Variants in PIK3R5 observed in about 807,000 individuals in gnomAD.
The protein encoded by PIK3R5 is phosphoinositide-3-kinase regulatory subunit 5.
A neutral mutation model predicts 94.9 loss-of-function variants in PIK3R5; 32 were observed. The observed-to-expected ratio is 0.34, with a 90% confidence interval of 0.25 to 0.45. The LOEUF (loss-of-function observed/expected upper bound fraction) is 0.45, where lower values mean the gene tolerates loss of function less well. Ranked by LOEUF, PIK3R5 falls within the 20% of genes least tolerant of loss-of-function variation. The pLI is 1.00. For synonymous variants in PIK3R5, 443 were observed against 479.4 expected (o/e 0.92, Z 0.99); for missense variants, 853 against 1,144.6 (o/e 0.75, Z 3.68).
chr17:8,924,595 A>G (rs1215528169), intron 1 of PIK3R5, among the ~76,000 whole-genome samples: 1 of 151,430 alleles, frequency 6.6e-6, no homozygotes, highest in African/African-American at 2.4e-5. Context: ...ACCATTTACC[A>G]CCCCGTCTTC....
In PIK3R5 at chr17:8,909,315, G is replaced by T. The variant is rs2090472793; in HGVS notation, c.104-141C>A. 1.0e-5 allele frequency: 6 copies of T among 589,262 alleles called. No individual in the cohort carries two copies. Among genetic ancestry groups the T allele is most frequent in the Admixed American group, 7.8e-5 (3 of 38,276 alleles). 36.5% of individuals were successfully genotyped at this position (589,262 alleles called of 1,614,324 possible). On this transcript the variant is annotated intron_variant, in intron 2 of 18. Transcript: ENST00000447110. The surrounding 1 kb of genome is among the most constrained non-coding windows in gnomAD (Gnocchi z 4.3). Reference sequence around the variant, plus strand: ...AACACTCTTTTTTTTTTTTGAGACAGAGTCTTGCTCTGTCGCCAGGCTGGA... The same window carrying T: ...AACACTCTTTTTTTTTTTTGAGACATAGTCTTGCTCTGTCGCCAGGCTGGA...
intron 1 of PIK3R5, among the ~76,000 whole-genome samples, chr17:8,940,515 T>C (rs2091158246): frequency 6.6e-6 from 1 of 152,146 alleles, no homozygotes; most frequent in South Asian, 2.1e-4. Flanking sequence ...ACGACCACAG[T>C]TCCCAGCCTC....
In PIK3R5 at chr17:8,909,457, T is replaced by G. The variant is rs533205781; in HGVS notation, c.104-283A>C. Among the ~76,000 whole-genome samples the G allele has an allele frequency of 6.6e-6, 1 of 152,248 alleles. No individual in the cohort carries two copies. The highest frequency in any genetic ancestry group is 1.9e-4 in the East Asian group (1 of 5,170). ...GGCACGTGCCACCGCACCCAGCTAATTTTTGTATTTTAGTAGAGATGGGGT... is the reference window on the plus strand; with the variant it reads ...GGCACGTGCCACCGCACCCAGCTAAGTTTTGTATTTTAGTAGAGATGGGGT... On this transcript the variant is annotated intron_variant, in intron 2 of 18. Transcript: ENST00000447110. This position sits in a 1 kb window ranked among gnomAD's most constrained non-coding sequence, Gnocchi z 4.3.
Position 8,881,739 on chromosome 17 carries a change from G to A in PIK3R5, c.2300-27C>T, listed in dbSNP as rs763409980. On this transcript the variant is annotated intron_variant, in intron 16 of 18. Transcript: ENST00000447110. The surrounding 1 kb of genome is among the most constrained non-coding windows in gnomAD (Gnocchi z 4.8). Reference sequence around the variant, plus strand: ...TGAGGGGCAAGGACACTCAGGCCAGGCTCAGAGCACCTCCCTACTGCACAC... The same window carrying A: ...TGAGGGGCAAGGACACTCAGGCCAGACTCAGAGCACCTCCCTACTGCACAC... 3 of 1,612,894 alleles carry A rather than the reference G, an allele frequency of 1.9e-6. No homozygotes were observed. The highest frequency in any genetic ancestry group is 2.5e-6 in the Non-Finnish European group (3 of 1,179,054).
rs2090519259 is a variant in PIK3R5 at position 8,911,333 on chromosome 17, C to T, written c.103+59G>A. On this transcript the variant is annotated intron_variant, in intron 2 of 18. Transcript: ENST00000447110. This position sits in a 1 kb window ranked among gnomAD's most constrained non-coding sequence, Gnocchi z 5.3. ...GTTTCCATGCCTGGTCCAGTGCCCA[C>T]CGTGGCCCCTGAGGCTTCCTTGAGC... is the stretch of plus-strand genomic sequence containing the variant. The T allele has an allele frequency of 2.2e-6, 3 of 1,337,388 alleles. No individual in the cohort carries two copies. The highest frequency in any genetic ancestry group is 3.2e-6 in the Non-Finnish European group (3 of 944,608). The allele number at this position is 1,337,388 out of a possible 1,614,324, so 82.8% of individuals were successfully genotyped here. A position where few individuals can be genotyped will look rare whatever the true frequency, so the allele number is the denominator to read the frequency against.
At chr17:8,953,220 A>G (rs1446991506) in intron 1 of PIK3R5, among the ~76,000 whole-genome samples, 3 of 152,206 alleles carry the variant, frequency 2.0e-5, no homozygotes, top group African/African-American at 7.2e-5. Context: ...AGTACCCTCT[A>G]GAACAGCCTT....
intron 1 of PIK3R5, among the ~76,000 whole-genome samples, chr17:8,937,681 A>C (rs1597419598): frequency 2.6e-5 from 4 of 152,108 alleles, no homozygotes; most frequent in Non-Finnish European, 4.4e-5. Flanking sequence ...AAAGATATTG[A>C]TCTGTAGTTT....
At chr17:8,946,205 G>A (rs941323633) in intron 1 of PIK3R5, among the ~76,000 whole-genome samples, 1 of 152,028 alleles carries the variant, frequency 6.6e-6, no homozygotes, top group Admixed American at 6.6e-5. Flanking sequence ...TGGTGTGACT[G>A]CCAGCCCCTT....
At chr17:8,918,756 A>G (rs942543248) in intron 1 of PIK3R5, among the ~76,000 whole-genome samples, 2 of 152,310 alleles carry the variant, frequency 1.3e-5, no homozygotes, top group Admixed American at 1.3e-4. Flanking sequence ...GAAAACAAGA[A>G]CTTCTCAGTG....
In PIK3R5 at chr17:8,948,034, C is replaced by T. The variant is rs184687769; in HGVS notation, c.-14+17562G>A. Among the ~76,000 whole-genome samples, 4 of 105,492 alleles carry T rather than the reference C, an allele frequency of 3.8e-5. No individual in the cohort carries two copies. In the East Asian group the frequency reaches 1.1e-3, roughly 30 times the overall value. 69.2% of individuals were successfully genotyped at this position (105,492 alleles called of 152,430 possible). Reference sequence around the variant, plus strand: ...CTCCAGCCTGGGCGACAGAGCGAGACTCCGTCTTAAAAAAAAAAAAAAAAA... The same window carrying T: ...CTCCAGCCTGGGCGACAGAGCGAGATTCCGTCTTAAAAAAAAAAAAAAAAA... On this transcript the variant is annotated intron_variant, in intron 1 of 18. Coordinates refer to ENST00000447110, the MANE Select transcript of PIK3R5 (RefSeq NM_001142633.3).
chr17:8,940,894 G>C (rs563727781), intron 1 of PIK3R5, among the ~76,000 whole-genome samples: 1 of 152,270 alleles, frequency 6.6e-6, no homozygotes, highest in East Asian at 1.9e-4. Context: ...GCAGGGAGGA[G>C]CTGAGTTGGG....
chr17:8,886,369 G>C, intron 13 of PIK3R5, 47 bp from the exon 14 acceptor site: 1 of 1,597,444 alleles, frequency 6.3e-7, no homozygotes, highest in South Asian at 1.1e-5. Flanking sequence ...TCCTGGAGGG[G>C]CCCATTTGGC....
rs2089960405 is a variant in PIK3R5 at position 8,889,151 on chromosome 17, G to C, written c.883C>G (p.Gln295Glu). The C allele has an allele frequency of 6.2e-7, 1 of 1,613,892 alleles. No homozygotes were observed. The highest frequency in any genetic ancestry group is 2.2e-5 in the East Asian group (1 of 44,884). ...CCCGGCTCCTTACCAAAGCTGTCCT[G>C]GCTCCAGCTGTAGGTGTAGCACCTG... Reference protein sequence around the residue: ...VARCYTYSWSQDSFDILQEIL... With the variant: ...VARCYTYSWSEDSFDILQEIL... Residue 295 changes from glutamine (Q) to glutamate (E), a missense_variant, in exon 9 of 19, where the codon CAG (glutamine) becomes GAG (glutamate). Physicochemically the swap from Gln to Glu is conservative, Grantham distance 29. This residue lies in a region of PIK3R5 where 161 missense variants were observed against 249.5 expected (regional missense o/e 0.65). Transcript: ENST00000447110. The surrounding 1 kb of genome is among the most constrained non-coding windows in gnomAD (Gnocchi z 4.1).
chr17:8,928,649 T>C (rs1185534155), intron 1 of PIK3R5, among the ~76,000 whole-genome samples: 4 of 152,038 alleles, frequency 2.6e-5, no homozygotes, highest in Non-Finnish European at 5.9e-5. Flanking sequence ...GAGTCCAATA[T>C]CCAGCAAAAA....
chr17:8,887,670 T>G lies in PIK3R5; in HGVS notation c.1630A>C (p.Asn544His). Residue 544 changes from asparagine (N) to histidine (H), a missense_variant, in exon 11 of 19, where the codon AAT (asparagine) becomes CAT (histidine). Transcript: ENST00000447110. ...AAGAACCGTGTGAGGAGTGGGCGATTGTTCTCCAGCCGCCTGGCAAGAAGA... is the reference window on the plus strand; with the variant it reads ...AAGAACCGTGTGAGGAGTGGGCGATGGTTCTCCAGCCGCCTGGCAAGAAGA... ...AYSNLRRLENNRPLLTRFFKL... is the reference protein window; with the variant it reads ...AYSNLRRLENHRPLLTRFFKL... 2 of 1,600,178 alleles carry G rather than the reference T, an allele frequency of 1.2e-6. No individual in the cohort carries two copies. Among genetic ancestry groups the G allele is most frequent in the Non-Finnish European group, 1.7e-6 (2 of 1,173,306 alleles).
At chr17:8,950,607 T>C (rs2091359340) in intron 1 of PIK3R5, among the ~76,000 whole-genome samples, 1 of 152,226 alleles carries the variant, frequency 6.6e-6, no homozygotes, top group South Asian at 2.1e-4. Flanking sequence ...TCCATCCATG[T>C]TGCTGCAAAG....
chr17:8,962,218 T>G (rs975576391), intron 1 of PIK3R5, among the ~76,000 whole-genome samples: 2 of 152,046 alleles, frequency 1.3e-5, no homozygotes, highest in African/African-American at 4.8e-5. Context: ...CTGTGAAGAT[T>G]AAAGGACATG....
chr17:8,887,673 T>C lies in PIK3R5; in HGVS notation c.1627A>G (p.Asn543Asp), dbSNP rs761600533. The C allele has an allele frequency of 5.0e-6, 8 of 1,597,616 alleles. No individual in the cohort carries two copies. The African/African-American group carries it at 9.4e-5, about 19-fold the overall frequency. ...RAYSNLRRLE[N>D]NRPLLTRFFK... ...AACCGTGTGAGGAGTGGGCGATTGTTCTCCAGCCGCCTGGCAAGAAGAAGA... is the reference window on the plus strand; with the variant it reads ...AACCGTGTGAGGAGTGGGCGATTGTCCTCCAGCCGCCTGGCAAGAAGAAGA... The change falls in exon 11 of 19, where the codon AAC becomes GAC. Residue 543 changes from asparagine (N) to aspartate (D), a missense_variant. This residue lies in a region of PIK3R5 where 319 missense variants were observed against 339.8 expected (regional missense o/e 0.94). Coordinates refer to ENST00000447110, the MANE Select transcript of PIK3R5 (RefSeq NM_001142633.3).
chr17:8,907,670 T>C (rs1047201441), intron 3 of PIK3R5, among the ~76,000 whole-genome samples: 2 of 151,196 alleles, frequency 1.3e-5, no homozygotes, highest in African/African-American at 4.9e-5. Flanking sequence ...AATAGGGTCT[T>C]GCTCTGTCGC....
Sources: gnomAD v4.1 joint callset for allele counts (sites outside exome capture counted in the v4.1 genomes callset) on GRCh38, gnomAD v4.1.1 for gene constraint, gnomAD v4.1.1 regional missense constraint, Gnocchi (gnomAD v3.1) non-coding constraint, MANE v1.5 for transcripts, NCBI Gene and HGNC (gene_info 2026-07-23, HGNC 2026-07-21) for gene names.